RBFOX1: variants seen among roughly 807,000 people sequenced by gnomAD.
The protein encoded by RBFOX1 is RNA binding protein fox-1 homolog 1.
Under a neutral mutation model 57.7 loss-of-function variants are expected in RBFOX1, and 8 were observed. The observed-to-expected ratio is 0.14, with a 90% CI of 0.08 to 0.25. The LOEUF (loss-of-function observed/expected upper bound fraction) is 0.25. RBFOX1 is among the 10% of genes least tolerant of loss of function. The probability of loss-of-function intolerance (pLI) is 1.00; values close to 1 mark genes in which losing one functional copy is unlikely to be tolerated. For missense variants in RBFOX1, 611 were observed against 548.5 expected (o/e 1.11, Z -1.14); for synonymous variants, 326 against 222.4 (o/e 1.47, Z -4.15).
At chr16:6,329,813 C>T (rs1028997990) in intron 2 of RBFOX1, among the ~76,000 whole-genome samples, 1 of 152,136 alleles carries the variant, frequency 6.6e-6, no homozygotes, top group African/African-American at 2.4e-5. Context: ...TGTCACACAC[C>T]TGTAATTCCA....
At chr16:7,018,876 T>C (rs968968520) in intron 3 of RBFOX1, among the ~76,000 whole-genome samples, 18 of 151,998 alleles carry the variant, frequency 1.2e-4, no homozygotes, top group African/African-American at 3.9e-4. Context: ...CTCAGCACAT[T>C]GGGAGGCCAA....
chr16:6,747,408 A>G (rs561172246), intron 3 of RBFOX1, among the ~76,000 whole-genome samples: 1 of 136,824 alleles, frequency 7.3e-6, no homozygotes, highest in East Asian at 2.2e-4. Context: ...CTCAGTCTCA[A>G]AAAGAAAAAA....
intron 4 of RBFOX1, among the ~76,000 whole-genome samples, chr16:7,268,224 A>G (rs1416100542): frequency 6.6e-6 from 1 of 152,216 alleles, no homozygotes. Flanking sequence ...GGCAGCCTGT[A>G]GTTACTGAAC....
chr16:6,937,318 A>C (rs2077542312), intron 3 of RBFOX1, among the ~76,000 whole-genome samples: 1 of 152,140 alleles, frequency 6.6e-6, no homozygotes, highest in Non-Finnish European at 1.5e-5. Context: ...CATCCCCCGA[A>C]CAACCACCCC....
intron 2 of RBFOX1, among the ~76,000 whole-genome samples, chr16:6,558,870 G>A (rs1271912459): frequency 6.6e-6 from 1 of 150,446 alleles, no homozygotes; most frequent in African/African-American, 2.5e-5. Context: ...CCTCCTGAGT[G>A]GGACGTTGTG....
intron 1 of RBFOX1, among the ~76,000 whole-genome samples, chr16:6,135,044 G>C (rs545660266): frequency 6.6e-6 from 1 of 151,928 alleles, no homozygotes; most frequent in South Asian, 2.1e-4. Flanking sequence ...CCCTTCCTGT[G>C]TCCAAGTGTT....
intron 1 of RBFOX1, among the ~76,000 whole-genome samples, chr16:6,250,430 A>T (rs947844220): frequency 5.9e-5 from 9 of 152,160 alleles, no homozygotes; most frequent in African/African-American, 1.9e-4. Context: ...ATTCTAGATT[A>T]TCTTTATGTC....
intron 3 of RBFOX1, among the ~76,000 whole-genome samples, chr16:5,820,270 T>A (rs112224365): frequency 0.013 from 1,916 of 152,328 alleles, 50 homozygotes; most frequent in African/African-American, 0.043. Context: ...CATTGTCTTA[T>A]TCAGTTCTTT....
At chr16:5,430,368 G>T (rs1033272336) in intron 1 of RBFOX1, among the ~76,000 whole-genome samples, 1 of 152,176 alleles carries the variant, frequency 6.6e-6, no homozygotes, top group Non-Finnish European at 1.5e-5. Context: ...CAAAGGCCCT[G>T]TAGTAGAAAG....
chr16:6,928,875 A>G (rs913782353), intron 3 of RBFOX1, among the ~76,000 whole-genome samples: 3 of 152,296 alleles, frequency 2.0e-5, no homozygotes, highest in Non-Finnish European at 2.9e-5. Flanking sequence ...CATCATCACC[A>G]CAGAAACTTA....
chr16:6,583,993 A>G lies in RBFOX1; in HGVS notation c.-63-70610A>G, dbSNP rs537641971. On this transcript the variant is annotated intron_variant, in intron 2 of 15. Transcript: ENST00000550418. ...AAACAAATAAACAATAACAACGACA[A>G]CAACATTTAAAAAAAAAAAAGAAAC... 3.9e-5 allele frequency among the ~76,000 whole-genome samples: 5 copies of G among 129,780 alleles called. No homozygotes were observed. The South Asian group carries it at 1.3e-3, about 34-fold the overall frequency. 85.1% of individuals were successfully genotyped at this position (129,780 alleles called of 152,430 possible).
At chr16:7,030,015 T>C (rs2042380523) in intron 3 of RBFOX1, among the ~76,000 whole-genome samples, 1 of 152,188 alleles carries the variant, frequency 6.6e-6, no homozygotes, top group Admixed American at 6.5e-5. Flanking sequence ...GTGTGATCCC[T>C]TTATGGGAAA....
intron 2 of RBFOX1, among the ~76,000 whole-genome samples, chr16:5,574,363 GC>G (rs1399573926): frequency 2.0e-5 from 3 of 151,994 alleles, no homozygotes; most frequent in Admixed American, 2.0e-4. Flanking sequence ...ATCCAAGCCC[GC>G]CTTGCCACAT....
chr16:5,864,421 G>A (rs2057297861), intron 3 of RBFOX1, among the ~76,000 whole-genome samples: 1 of 152,186 alleles, frequency 6.6e-6, no homozygotes, highest in Non-Finnish European at 1.5e-5. Flanking sequence ...TTGGGTCCCA[G>A]TCAAGTTCCA....
intron 3 of RBFOX1, among the ~76,000 whole-genome samples, chr16:5,735,734 G>C (rs1002530094): frequency 4.6e-5 from 7 of 152,076 alleles, no homozygotes; most frequent in Admixed American, 2.6e-4. Flanking sequence ...CTGTTTAGCC[G>C]GGCGTGGTGG....
intron 4 of RBFOX1, among the ~76,000 whole-genome samples, chr16:7,087,435 A>G (rs1391974175): frequency 2.0e-5 from 3 of 152,152 alleles, no homozygotes; most frequent in Non-Finnish European, 2.9e-5. Context: ...TGTTTTCGCC[A>G]CTGTGGCTGG....
intron 3 of RBFOX1, among the ~76,000 whole-genome samples, chr16:6,846,919 AC>A (rs1343897568): frequency 1.4e-5 from 2 of 142,988 alleles, no homozygotes; most frequent in African/African-American, 6.1e-5. Flanking sequence ...ACCCTAGGAA[AC>A]AAAAAAAAAA....
intron 1 of RBFOX1, among the ~76,000 whole-genome samples, chr16:6,261,872 A>C (rs1197508522): frequency 9.2e-5 from 14 of 151,402 alleles, no homozygotes; most frequent in Non-Finnish European, 1.9e-4. Context: ...AAACAAAAAC[A>C]AAAAAAACCT....
intron 3 of RBFOX1, among the ~76,000 whole-genome samples, chr16:6,874,224 A>C (rs2061431049): frequency 6.6e-6 from 1 of 152,104 alleles, no homozygotes; most frequent in African/African-American, 2.4e-5. Flanking sequence ...AAAGGAATGA[A>C]ATAGGTCAGG....
Sources: gnomAD v4.1 joint callset for allele counts (sites outside exome capture counted in the v4.1 genomes callset) on GRCh38, gnomAD v4.1.1 for gene constraint, MANE v1.5 for transcripts, NCBI Gene and HGNC (gene_info 2026-07-23, HGNC 2026-07-21) for gene names.